Variants in PIN4 observed in about 807,000 individuals in gnomAD.
The protein encoded by PIN4 is peptidyl-prolyl cis-trans isomerase NIMA-interacting 4.
PIN4 carries 3 observed loss-of-function variants against 8.3 expected under a neutral mutation model. That is an observed-to-expected ratio of 0.36 (90% CI 0.16 to 0.93). PIN4 has a LOEUF of 0.93. Among genes scored for constraint, PIN4 ranks in the 40% least tolerant of loss-of-function variants. The pLI, the probability that PIN4 is intolerant of heterozygous loss-of-function variation, is 0.44. For synonymous variants in PIN4, 18 were observed against 32.5 expected (o/e 0.55, Z 1.52); for missense variants, 75 against 100.6 (o/e 0.75, Z 1.09).
chrX:72,196,685 T>G (rs2042767734), intron 2 of PIN4, 100 bp from the exon 3 acceptor site: 7 of 561,457 alleles, frequency 1.2e-5, no homozygotes, highest in East Asian at 4.5e-5. Context: ...AACTAATGTG[T>G]TTTTTTTTTA....
At chrX:72,209,883 G>A (rs1251310335) in intron 3 of PIN4, among the ~76,000 whole-genome samples, 2 of 111,251 alleles carry the variant, frequency 1.8e-5, no homozygotes, top group Non-Finnish European at 1.9e-5. Context: ...ATATCCATGT[G>A]CAAAAGAATG....
intron 3 of PIN4, among the ~76,000 whole-genome samples, chrX:72,248,174 C>T (rs2043073896): frequency 9.2e-6 from 1 of 108,657 alleles, no homozygotes; most frequent in African/African-American, 3.3e-5. Flanking sequence ...GTTGCCAAGG[C>T]TGCTAGAAAA....
chrX:72,246,410 T>G (rs1029962395), intron 3 of PIN4, among the ~76,000 whole-genome samples: 9 of 111,583 alleles, frequency 8.1e-5, no homozygotes, highest in Admixed American at 7.6e-4. Flanking sequence ...ATTTGTGCCT[T>G]TCCCCCACTA....
intron 3 of PIN4, among the ~76,000 whole-genome samples, chrX:72,216,087 G>C (rs758964669): frequency 9.0e-6 from 1 of 110,612 alleles, no homozygotes. Context: ...CCTGGAGCCC[G>C]TGAATGTGAC....
intron 3 of PIN4, among the ~76,000 whole-genome samples, chrX:72,217,507 A>G (rs746475857): frequency 4.6e-4 from 52 of 112,011 alleles, no homozygotes; most frequent in Non-Finnish European, 8.6e-4. Context: ...TCAAGCCCCA[A>G]ACCAAAACTT....
chrX:72,261,443 G>A (rs750635245), intron 3 of PIN4, among the ~76,000 whole-genome samples: 1 of 112,211 alleles, frequency 8.9e-6, no homozygotes, highest in East Asian at 2.8e-4. Flanking sequence ...TTTACAGGAT[G>A]GGTTCTGGAG....
At chrX:72,246,592 C>T (rs185849242) in intron 3 of PIN4, among the ~76,000 whole-genome samples, 2 of 111,793 alleles carry the variant, frequency 1.8e-5, no homozygotes, top group East Asian at 5.6e-4. Flanking sequence ...TCTCTGGCCA[C>T]GTCTTACTTC....
intron 3 of PIN4, among the ~76,000 whole-genome samples, chrX:72,231,859 A>G: frequency 8.9e-6 from 1 of 111,994 alleles, no homozygotes; most frequent in Admixed American, 9.5e-5. Context: ...TCATTTCACA[A>G]TGTATACGTG....
rs773831369 is a variant in PIN4, at chrX:72,243,759, ATTAC to A, written c.313-18944_313-18941del. Among the ~76,000 whole-genome samples the A allele has an allele frequency of 5.3e-3, 599 of 112,478 alleles. 9 individuals carry two copies. The highest frequency in any genetic ancestry group is 0.018 in the African/African-American group (570 of 30,994). On this transcript the variant is annotated intron_variant, in intron 3 of 3. Transcript: ENST00000423432. ...ATGAGGCCGAATAAGAACAATAGCT[ATTAC>A]TTAGATAGCACTGAAGTGCCAGGCC...
intron 3 of PIN4, among the ~76,000 whole-genome samples, chrX:72,223,133 G>A (rs1383270412): frequency 8.1e-5 from 8 of 98,956 alleles, no homozygotes; most frequent in African/African-American, 2.6e-4. Flanking sequence ...TCAAGAGATC[G>A]AGACCACCCT....
chrX:72,205,548 C>A (rs367691365), intron 3 of PIN4: 10 of 1,209,543 alleles, frequency 8.3e-6, no homozygotes, highest in South Asian at 7.0e-5. Context: ...ATGAAAAGAA[C>A]CTTCCTGGTG....
chrX:72,239,198 C>A (rs1436034893), intron 3 of PIN4, among the ~76,000 whole-genome samples: 1 of 113,227 alleles, frequency 8.8e-6, no homozygotes, highest in African/African-American at 3.2e-5. Context: ...ACGGAGTGTG[C>A]TGCCTCAGTC....
At chrX:72,231,055 C>T (rs1252612341) in intron 3 of PIN4, among the ~76,000 whole-genome samples, 1 of 112,035 alleles carries the variant, frequency 8.9e-6, no homozygotes, top group Admixed American at 9.5e-5. Flanking sequence ...CCATATGATC[C>T]AGCAATCTCA....
chrX:72,238,788 C>A, intron 3 of PIN4: 1 of 1,104,249 alleles, frequency 9.1e-7, no homozygotes, highest in Non-Finnish European at 1.2e-6. Context: ...GGGGCCACCC[C>A]ACCTCCACCC....
intron 3 of PIN4, among the ~76,000 whole-genome samples, chrX:72,261,055 T>TG (rs1420443858): frequency 2.2e-4 from 25 of 111,443 alleles, no homozygotes; most frequent in Non-Finnish European, 3.8e-4. Flanking sequence ...CCCAACACTT[T>TG]GGGAGGCCGA....
chrX:72,183,352 A>T (rs1329565012), intron 1 of PIN4, among the ~76,000 whole-genome samples: 1 of 111,725 alleles, frequency 9.0e-6, no homozygotes, highest in Non-Finnish European at 1.9e-5. Flanking sequence ...AGGAGTCGCT[A>T]ACTTATAGAT....
chrX:72,220,507 C>T (rs1261413243), intron 3 of PIN4, among the ~76,000 whole-genome samples: 1 of 111,462 alleles, frequency 9.0e-6, no homozygotes, highest in Non-Finnish European at 1.9e-5. Flanking sequence ...CCATAAACCA[C>T]AATTAACATC....
intron 3 of PIN4, among the ~76,000 whole-genome samples, chrX:72,228,005 G>GT (rs2096124836): frequency 8.9e-6 from 1 of 112,416 alleles, no homozygotes; most frequent in South Asian, 3.6e-4. Context: ...ATTTGAAGGT[G>GT]TTTTTACCTT....
intron 3 of PIN4, among the ~76,000 whole-genome samples, chrX:72,224,731 G>A (rs756907116): frequency 1.8e-5 from 2 of 111,558 alleles, no homozygotes; most frequent in Middle Eastern, 4.6e-3. Flanking sequence ...GGCAACAAGA[G>A]CAAAACTCTG....
Sources: allele counts gnomAD v4.1 joint callset (sites outside exome capture counted in the v4.1 genomes callset), GRCh38; gene constraint gnomAD v4.1.1; transcripts MANE v1.5; gene names NCBI Gene and HGNC (gene_info 2026-07-23, HGNC 2026-07-21).